DNAH11: variants seen among roughly 807,000 people sequenced by gnomAD.
The protein encoded by DNAH11 is axonemal beta dynein heavy chain 11.
DNAH11 carries 442 observed loss-of-function variants against 526.0 expected under a neutral mutation model. The ratio of observed to expected loss-of-function variants is 0.84; its 90% CI spans 0.78 to 0.91. DNAH11 has a LOEUF of 0.91. Among genes scored for constraint, DNAH11 ranks in the 40% least tolerant of loss-of-function variants. The pLI is 0.00. For missense variants in DNAH11, 6,989 were observed against 5,448.7 expected, an observed-to-expected ratio of 1.28 and a Z score of -8.90; for synonymous variants, 2,461 against 1,935.9, an observed-to-expected ratio of 1.27 and a Z score of -7.12.
chr7:21,738,947 TATG>T, intron 47 of DNAH11, 81 bp downstream of exon 47: 1 of 1,202,036 alleles, frequency 8.3e-7, no homozygotes. Context: ...GAATAATTAT[TATG>T]AATAATTATT....
rs762678138 is a variant in DNAH11, at chr7:21,842,585, A to G, written c.10733A>G (p.Asn3578Ser). The G allele has an allele frequency of 6.2e-7, 1 of 1,613,948 alleles. No homozygotes were observed. Among genetic ancestry groups the G allele is most frequent in the Non-Finnish European group, 8.5e-7 (1 of 1,179,876 alleles). Residue 3578 changes from asparagine (N) to serine (S), a missense_variant, in exon 66 of 82, where the codon AAC becomes AGC. Transcript: ENST00000409508. ...IGDKECEFNK[N>S]FRLILHTKLA... Reference sequence around the variant, plus strand: ...GATAAAGAATGTGAATTTAACAAGAACTTTCGCCTTATCCTTCACACAAAA... The same window carrying G: ...GATAAAGAATGTGAATTTAACAAGAGCTTTCGCCTTATCCTTCACACAAAA...
Position 21,895,014 on chromosome 7 carries a change from C to G in DNAH11, c.13049+15C>G, listed in dbSNP as rs200860431. On this transcript the variant is annotated intron_variant, in intron 79 of 81. Transcript: ENST00000409508. ...CTAGCCCAGTGGTAAGCTACCCCAT[C>G]CTCACTGCCACTGGCCCTGAGCAGC... 5.0e-6 allele frequency: 8 copies of G among 1,606,074 alleles called. No homozygotes were observed. The highest frequency in any genetic ancestry group is 6.8e-6 in the Non-Finnish European group (8 of 1,173,124).
chr7:21,554,626 G>A (rs1230238556), intron 2 of DNAH11, among the ~76,000 whole-genome samples: 1 of 152,092 alleles, frequency 6.6e-6, no homozygotes, highest in African/African-American at 2.4e-5. Flanking sequence ...AAGGATACTT[G>A]TGATAGATAT....
rs11977079 is a variant in DNAH11 at position 21,814,773 on chromosome 7, T to C, written c.10333-1694T>C. ...GTCCATCATTAACCAAAATATCATA[T>C]GGCGCTTGCCTGTATATGAAATGAT... On this transcript the variant is annotated intron_variant, in intron 63 of 81. Transcript: ENST00000409508. Among the ~76,000 whole-genome samples the C allele has an allele frequency of 4.9e-3, 745 of 152,234 alleles. 8 individuals carry two copies. The highest frequency in any genetic ancestry group is 0.018 in the African/African-American group (729 of 41,526).
intron 65 of DNAH11, among the ~76,000 whole-genome samples, chr7:21,827,893 C>G (rs1790377214): frequency 6.6e-6 from 1 of 151,690 alleles, no homozygotes; most frequent in Non-Finnish European, 1.5e-5. Flanking sequence ...AAATTGAACG[C>G]TACACTGTAG....
At chr7:21,857,377 T>C (rs1419004524) in intron 68 of DNAH11, among the ~76,000 whole-genome samples, 9 of 152,204 alleles carry the variant, frequency 5.9e-5, no homozygotes, top group Non-Finnish European at 1.0e-4. Context: ...ATTGTTAAGA[T>C]GTCAGTTCGC....
chr7:21,836,577 A>G (rs6960256), intron 65 of DNAH11, among the ~76,000 whole-genome samples: 1,671 of 152,244 alleles, frequency 0.011, 29 homozygotes, highest in African/African-American at 0.038. Context: ...TTTATCATCA[A>G]TGACAAAAAT....
chr7:21,884,435 T>G (rs1784045736), intron 76 of DNAH11, 25 bp downstream of exon 76: 1 of 1,583,536 alleles, frequency 6.3e-7, no homozygotes, highest in East Asian at 2.3e-5. Context: ...AATTAATTTG[T>G]AAATAAATTT....
At chr7:21,570,461 A>C (rs1783841838) in intron 7 of DNAH11, 162 bp downstream of exon 7, 1 of 520,688 alleles carries the variant, frequency 1.9e-6, no homozygotes, top group Non-Finnish European at 3.2e-6. Context: ...ATGATGATAC[A>C]AGGGCATTTT....
intron 51 of DNAH11, among the ~76,000 whole-genome samples, chr7:21,747,367 G>A (rs937682324): frequency 1.3e-5 from 2 of 152,120 alleles, no homozygotes; most frequent in African/African-American, 4.8e-5. Flanking sequence ...TTTTCAAAAA[G>A]CACTATTTAA....
chr7:21,784,444 T>C lies in DNAH11; in HGVS notation c.9501T>C (p.Thr3167=), dbSNP rs1788085932. Reference sequence around the variant, plus strand: ...TTAATTAGGTGACAGCCATTCAGACTGAAGTGTTCCAGAAACAGAGAGAAT... The same window carrying C: ...TTAATTAGGTGACAGCCATTCAGACCGAAGTGTTCCAGAAACAGAGAGAAT... ...AEERKVTAIQ[T]EVFQKQRECE... Residue 3167 remains threonine (T), a synonymous_variant, in exon 58 of 82, where the codon ACT becomes ACC. Transcript: ENST00000409508. 6 of 1,613,308 alleles carry C rather than the reference T, an allele frequency of 3.7e-6. No individual in the cohort carries two copies. The highest frequency in any genetic ancestry group is 5.1e-6 in the Non-Finnish European group (6 of 1,179,582).
At chr7:21,817,878 A>G (rs1486385523) in intron 64 of DNAH11, among the ~76,000 whole-genome samples, 1 of 152,218 alleles carries the variant, frequency 6.6e-6, no homozygotes, top group South Asian at 2.1e-4. Flanking sequence ...ATGAAACTTT[A>G]CTTAAAAAAG....
intron 74 of DNAH11, among the ~76,000 whole-genome samples, chr7:21,875,808 A>G (rs1783683294): frequency 6.6e-6 from 1 of 152,046 alleles, no homozygotes; most frequent in Non-Finnish European, 1.5e-5. Context: ...GCTATCTGGA[A>G]AGCCACTTTT....
At chr7:21,730,769 G>C (rs1289198246) in intron 45 of DNAH11, among the ~76,000 whole-genome samples, 1 of 152,138 alleles carries the variant, frequency 6.6e-6, no homozygotes, top group African/African-American at 2.4e-5. Context: ...TATCGTACAT[G>C]GTGACTGTAA....
intron 30 of DNAH11, 114 bp downstream of exon 30, chr7:21,659,145 G>C (rs1782141940): frequency 1.1e-6 from 1 of 903,984 alleles, no homozygotes; most frequent in Non-Finnish European, 1.6e-6. Flanking sequence ...AAAATACTAT[G>C]CTGGGAAGAT....
chr7:21,725,731 T>C, intron 44 of DNAH11, 80 bp from the exon 45 acceptor site: 2 of 1,405,610 alleles, frequency 1.4e-6, no homozygotes, highest in Non-Finnish European at 1.9e-6. Context: ...CCCTATGATA[T>C]TGTTACTCAT....
Position 21,733,388 on chromosome 7 carries a change from C to CA in DNAH11, c.7441-2243dup, listed in dbSNP as rs200757148. On this transcript the variant is annotated intron_variant, in intron 45 of 81. Transcript: ENST00000409508. ...CAGCAACAAGAGCGAGACTCCATCT[C>CA]AAAAAAAAAGAAGCAGGGAAATGGG... 2.1e-4 allele frequency among the ~76,000 whole-genome samples: 31 copies of CA among 151,038 alleles called. 1 individual carries two copies. The highest frequency in any genetic ancestry group is 7.8e-4 in the East Asian group (4 of 5,148).
intron 65 of DNAH11, among the ~76,000 whole-genome samples, chr7:21,825,397 G>T (rs1790239958): frequency 6.6e-6 from 1 of 152,100 alleles, no homozygotes; most frequent in Admixed American, 6.5e-5. Context: ...GAGATAGTTG[G>T]GTTGTAGAAC....
chr7:21,667,225 A>G (rs1782456703), intron 30 of DNAH11, among the ~76,000 whole-genome samples: 1 of 152,124 alleles, frequency 6.6e-6, no homozygotes, highest in African/African-American at 2.4e-5. Context: ...CCCCAGTACA[A>G]AGCCCTGAGA....
Sources: allele counts gnomAD v4.1 joint callset (sites outside exome capture counted in the v4.1 genomes callset), GRCh38; gene constraint gnomAD v4.1.1; transcripts MANE v1.5; gene names NCBI Gene and HGNC (gene_info 2026-07-23, HGNC 2026-07-21).